Variants in IAH1 observed in about 807,000 individuals in gnomAD.
IAH1 encodes the protein isoamyl acetate hydrolyzing esterase 1 (putative).
A neutral mutation model predicts 26.7 loss-of-function variants in IAH1; 24 were observed. The observed-to-expected ratio is 0.90, with a 90% CI of 0.65 to 1.26. IAH1 has a LOEUF of 1.26. IAH1 is among the 50% of genes most tolerant of loss of function. The probability of loss-of-function intolerance (pLI) is 0.00; values close to 1 mark genes in which losing one functional copy is unlikely to be tolerated. For synonymous variants in IAH1, 140 were observed against 118.5 expected, an observed-to-expected ratio of 1.18 and a Z score of -1.18; for missense variants, 300 against 299.9, an observed-to-expected ratio of 1.00 and a Z score of 0.00.
chr2:9,495,723 AAG>A (rs1553357174), intron 6 of IAH1, among the ~76,000 whole-genome samples: 10 of 150,912 alleles, frequency 6.6e-5, no homozygotes, highest in South Asian at 2.1e-4. Context: ...AAAAAAAAAA[AAG>A]AAAACCTTTT....
At chr2:9,507,322 G>A in the IAH1 span, among the ~76,000 whole-genome samples, 1 of 152,220 alleles carries the variant, frequency 6.6e-6, no homozygotes, top group East Asian at 1.9e-4. Context: ...GGCCAACATG[G>A]TGAAACCCCA....
downstream of IAH1, chr2:9,489,863 G>C (rs1399219055): frequency 4.4e-6 from 1 of 226,856 alleles, no homozygotes; most frequent in Non-Finnish European, 8.7e-6. Flanking sequence ...CAATATAAAA[G>C]ATTAATTTAC....
downstream of IAH1, among the ~76,000 whole-genome samples, chr2:9,491,567 C>T (rs565874637): frequency 3.4e-5 from 5 of 148,514 alleles, no homozygotes; most frequent in Non-Finnish European, 7.5e-5. Flanking sequence ...CAGCATTCTT[C>T]GCACTGCCCC....
intron 1 of IAH1, chr2:9,475,173 A>G: frequency 1.6e-6 from 2 of 1,288,776 alleles, no homozygotes; most frequent in Non-Finnish European, 2.0e-6. Flanking sequence ...CCGTTCATCC[A>G]AGATCATCTC....
At chr2:9,476,225 T>C (rs1183258424) in intron 2 of IAH1, among the ~76,000 whole-genome samples, 186 bp downstream of exon 2, 6 of 152,216 alleles carry the variant, frequency 3.9e-5, no homozygotes, top group African/African-American at 1.4e-4. Context: ...CAATTAGATA[T>C]TTTAGGGTTG....
At chr2:9,502,231 G>A in the IAH1 span, 1 of 1,613,994 alleles carries the variant, frequency 6.2e-7, no homozygotes, top group Middle Eastern at 1.6e-4. Context: ...ACTTCTTCTG[G>A]GCAGTCTCAA....
the IAH1 span, among the ~76,000 whole-genome samples, chr2:9,504,625 T>C: frequency 4.7e-5 from 7 of 149,800 alleles, no homozygotes; most frequent in Non-Finnish European, 8.9e-5. Flanking sequence ...TAGCCGGGCA[T>C]GGTGGTGCGT....
Position 9,488,433 on chromosome 2 carries a change from T to C in IAH1, c.*104T>C, listed in dbSNP as rs908085339. 1.6e-5 allele frequency: 13 copies of C among 818,316 alleles called. No homozygotes were observed. Among genetic ancestry groups the C allele is most frequent in the South Asian group, 4.3e-5 (2 of 46,842 alleles). The allele number at this position is 818,316 out of a possible 1,614,324, so 50.7% of individuals were successfully genotyped here. A position where few individuals can be genotyped will look rare whatever the true frequency, so the allele number is the denominator to read the frequency against. Reference sequence around the variant, plus strand: ...CAGGCTTAAACCTTTGCCACTGATATTAATAATAAAAGTATTAGATGATTT... The same window carrying C: ...CAGGCTTAAACCTTTGCCACTGATACTAATAATAAAAGTATTAGATGATTT... On this transcript the variant is annotated 3_prime_UTR_variant, in exon 6 of 6. Coordinates refer to ENST00000497473, the MANE Select transcript of IAH1 (RefSeq NM_001039613.3).
downstream of IAH1, among the ~76,000 whole-genome samples, chr2:9,496,822 C>G (rs1662642844): frequency 6.6e-6 from 1 of 152,176 alleles, no homozygotes; most frequent in Non-Finnish European, 1.5e-5. Flanking sequence ...ACACCTCTAC[C>G]TACCCACCCA....
chr2:9,509,770 G>A, the IAH1 span, among the ~76,000 whole-genome samples: 1 of 152,220 alleles, frequency 6.6e-6, no homozygotes, highest in African/African-American at 2.4e-5. Flanking sequence ...CATTAAGCTT[G>A]ACAACAAAGT....
the IAH1 span, among the ~76,000 whole-genome samples, chr2:9,511,020 A>G: frequency 6.6e-6 from 1 of 152,190 alleles, no homozygotes; most frequent in East Asian, 1.9e-4. Flanking sequence ...TCAACCACAC[A>G]CAATCTGGTG....
At chr2:9,475,174 A>G (rs766340366) in intron 1 of IAH1, 106 of 1,288,688 alleles carry the variant, frequency 8.2e-5, no homozygotes, top group Non-Finnish European at 1.0e-4. Context: ...CGTTCATCCA[A>G]GATCATCTCA....
intron 4 of IAH1, among the ~76,000 whole-genome samples, chr2:9,482,318 G>A (rs1404842196): frequency 1.3e-5 from 2 of 152,144 alleles, no homozygotes; most frequent in Non-Finnish European, 2.9e-5. Context: ...GTGAGCCACC[G>A]TTCCTGGACT....
chr2:9,493,887 A>G (rs1662353190), downstream of IAH1: 1 of 1,412,384 alleles, frequency 7.1e-7, no homozygotes, highest in Admixed American at 1.8e-5. Flanking sequence ...GAAGCAATGT[A>G]GCTTTATAAA....
chr2:9,490,206 G>A (rs752730764), downstream of IAH1: 22 of 1,598,708 alleles, frequency 1.4e-5, no homozygotes, highest in Admixed American at 8.4e-5. Context: ...CTGTCAACAC[G>A]ATTCTGACGC....
intron 1 of IAH1, chr2:9,475,682 G>A (rs2124892312): frequency 2.5e-6 from 1 of 393,812 alleles, no homozygotes; most frequent in South Asian, 2.7e-5. Flanking sequence ...TGTAATTTTA[G>A]TAGAGACGGG....
chr2:9,509,841 C>T, the IAH1 span: 11 of 1,119,892 alleles, frequency 9.8e-6, no homozygotes, highest in South Asian at 1.5e-5. Flanking sequence ...CACACAACCA[C>T]GTTTCAAGGT....
At chr2:9,482,054 TAG>T (rs1336057431) in intron 4 of IAH1, among the ~76,000 whole-genome samples, 5 of 121,900 alleles carry the variant, frequency 4.1e-5, no homozygotes, top group Non-Finnish European at 9.1e-5. Context: ...TTTTTGGAGA[TAG>T]AGTCTGGCTC....
intron 5 of IAH1, 103 bp downstream of exon 5, chr2:9,484,653 A>G: frequency 2.7e-6 from 2 of 751,336 alleles, no homozygotes; most frequent in Non-Finnish European, 2.3e-6. Context: ...CTTAGCTAAG[A>G]CAGTCATCCC....
Sources: allele counts gnomAD v4.1 joint callset (sites outside exome capture counted in the v4.1 genomes callset), GRCh38; gene constraint gnomAD v4.1.1; transcripts MANE v1.5; gene names NCBI Gene and HGNC (gene_info 2026-07-23, HGNC 2026-07-21).